The following RASSF9 variants were observed in gnomAD, a reference collection of about 807,000 sequenced individuals.
The protein encoded by RASSF9 is ras association domain-containing protein 9.
In RASSF9, 18 loss-of-function variants were observed where a neutral mutation model predicts 21.4. The ratio of observed to expected loss-of-function variants is 0.84; its 90% CI spans 0.58 to 1.25. RASSF9 has a LOEUF of 1.25. RASSF9 is among the 50% of genes most tolerant of loss of function. The pLI is 0.00. For synonymous variants in RASSF9, 183 were observed against 179.1 expected (o/e 1.02, Z -0.18); for missense variants, 480 against 503.2 (o/e 0.95, Z 0.44).
At chr12:85,816,699 AATTG>A in intron 1 of RASSF9, among the ~76,000 whole-genome samples, 3 of 152,140 alleles carry the variant, frequency 2.0e-5, no homozygotes, top group African/African-American at 7.2e-5. Context: ...CAGAGAAAAA[AATTG>A]ATTTCTGGTC....
intron 1 of RASSF9, among the ~76,000 whole-genome samples, chr12:85,833,982 G>T (rs1312988247): frequency 6.6e-6 from 1 of 151,958 alleles, no homozygotes; most frequent in Non-Finnish European, 1.5e-5. Flanking sequence ...TAAACAAAAT[G>T]AGTAAACTTA....
At chr12:85,830,812 C>T (rs902381143) in intron 1 of RASSF9, among the ~76,000 whole-genome samples, 2 of 151,988 alleles carry the variant, frequency 1.3e-5, no homozygotes, top group Non-Finnish European at 2.9e-5. Context: ...CAATTTTATC[C>T]AACAAATACA....
chr12:85,809,565 C>T (rs1481363008), intron 1 of RASSF9, among the ~76,000 whole-genome samples: 1 of 152,018 alleles, frequency 6.6e-6, no homozygotes, highest in Non-Finnish European at 1.5e-5. Context: ...AGAGTAGTCC[C>T]TATTTCCTGT....
At chr12:85,810,508 T>C (rs1469856098) in intron 1 of RASSF9, among the ~76,000 whole-genome samples, 1 of 151,970 alleles carries the variant, frequency 6.6e-6, no homozygotes, top group Non-Finnish European at 1.5e-5. Context: ...AGAAAGGATA[T>C]GGAATAAATA....
chr12:85,814,443 T>C (rs921777787), intron 1 of RASSF9, among the ~76,000 whole-genome samples: 6 of 152,006 alleles, frequency 3.9e-5, no homozygotes, highest in African/African-American at 1.2e-4. Context: ...TGGCCTGAAA[T>C]GTCAATAGTG....
intron 1 of RASSF9, among the ~76,000 whole-genome samples, chr12:85,806,672 CAAAAAAAAAAAAAA>C (rs71076150): frequency 2.7e-4 from 15 of 54,842 alleles, no homozygotes; most frequent in Admixed American, 5.5e-4. Context: ...GACTCCATCT[CAAAAAAAAAAAAAA>C]AAAAAAAAAA....
chr12:85,805,701 C>T lies in RASSF9; in HGVS notation c.309G>A (p.Trp103Ter). ...LTRILKLWKAWGDEQPNMQFV... is the reference protein window; with the variant it reads ...LTRILKLWKA The stretch of plus-strand genomic sequence containing the variant: ...ATTGCATATTGGGCTGCTCATCTCC[C>T]CACGCTTTCCAAAGCTTCAGGATTC... The change falls in exon 2 of 2, where the codon TGG (tryptophan) becomes TGA (stop). Residue 103 changes from tryptophan to a stop codon, truncating the protein, a stop_gained. Coordinates refer to ENST00000361228, the MANE Select transcript of RASSF9 (RefSeq NM_005447.4). LOFTEE classifies it high-confidence loss of function. 1.9e-6 allele frequency: 3 copies of T among 1,613,962 alleles called. No homozygotes were observed. The highest frequency in any genetic ancestry group is 2.5e-6 in the Non-Finnish European group (3 of 1,179,910).
At chr12:85,830,044 G>T (rs1451152133) in intron 1 of RASSF9, among the ~76,000 whole-genome samples, 2 of 152,054 alleles carry the variant, frequency 1.3e-5, no homozygotes, top group South Asian at 4.1e-4. Flanking sequence ...AAATTAAAAG[G>T]TAGCCACTCA....
intron 1 of RASSF9, among the ~76,000 whole-genome samples, chr12:85,825,391 G>C (rs975115506): frequency 8.6e-5 from 13 of 152,002 alleles, no homozygotes; most frequent in African/African-American, 2.7e-4. Context: ...GTTTTAGGGA[G>C]ATATATAAAG....
At chr12:85,829,919 A>G (rs751896003) in intron 1 of RASSF9, among the ~76,000 whole-genome samples, 14 of 152,136 alleles carry the variant, frequency 9.2e-5, no homozygotes, top group African/African-American at 3.1e-4. Flanking sequence ...TCTTGCATGA[A>G]CTATTTTACT....
intron 1 of RASSF9, among the ~76,000 whole-genome samples, chr12:85,834,488 GT>G (rs956000735): frequency 2.6e-5 from 4 of 152,218 alleles, no homozygotes; most frequent in African/African-American, 9.6e-5. Flanking sequence ...CAGAACTGAT[GT>G]AATGAAATTG....
intron 1 of RASSF9, among the ~76,000 whole-genome samples, chr12:85,819,590 T>C (rs1880163698): frequency 6.6e-6 from 1 of 152,190 alleles, no homozygotes; most frequent in South Asian, 2.1e-4. Context: ...ATTTTATGGA[T>C]GGGTGAATGA....
intron 1 of RASSF9, among the ~76,000 whole-genome samples, chr12:85,810,254 A>C (rs1206554566): frequency 1.3e-5 from 2 of 151,926 alleles, no homozygotes. Flanking sequence ...TTTGTTAAGC[A>C]CCTCTTCTGT....
At chr12:85,806,134 C>G (rs1879826928) in intron 1 of RASSF9, among the ~76,000 whole-genome samples, 172 bp from the exon 2 acceptor site, 2 of 151,902 alleles carry the variant, frequency 1.3e-5, no homozygotes. Flanking sequence ...GCAAGCTCCG[C>G]TTCTCGGGTT....
At chr12:85,821,187 A>T (rs569488221) in intron 1 of RASSF9, among the ~76,000 whole-genome samples, 23 of 152,256 alleles carry the variant, frequency 1.5e-4, no homozygotes, top group African/African-American at 4.8e-4. Context: ...AATAAATTCT[A>T]AGTTTGTTTG....
chr12:85,835,958 T>C (rs550205320), intron 1 of RASSF9, among the ~76,000 whole-genome samples, 197 bp downstream of exon 1: 1 of 152,274 alleles, frequency 6.6e-6, no homozygotes, highest in East Asian at 1.9e-4. Flanking sequence ...TCATCAATAC[T>C]GGGAGAATAT....
chr12:85,816,709 TGG>T, intron 1 of RASSF9, among the ~76,000 whole-genome samples: 3 of 152,170 alleles, frequency 2.0e-5, no homozygotes, highest in African/African-American at 7.2e-5. Flanking sequence ...AATTGATTTC[TGG>T]TCAGAGAAGC....
In RASSF9 at chr12:85,826,708, G is replaced by A. The variant is rs555393085; in HGVS notation, c.47+9447C>T. ...TCTGCCTGCCTCGGCCTCCCAAAGT[G>A]CTGGGATTACAGGCATGAGCCACCG... On this transcript the variant is annotated intron_variant, in intron 1 of 1. Transcript: ENST00000361228. 4.6e-5 allele frequency among the ~76,000 whole-genome samples: 7 copies of A among 151,960 alleles called. No homozygotes were observed. In the East Asian group the frequency reaches 1.2e-3, roughly 25 times the overall value.
intron 1 of RASSF9, among the ~76,000 whole-genome samples, chr12:85,820,523 G>A (rs962945241): frequency 6.6e-6 from 1 of 151,992 alleles, no homozygotes; most frequent in Non-Finnish European, 1.5e-5. Context: ...CAATATTTAA[G>A]GTTTACATGA....
Sources: gnomAD v4.1 joint callset for allele counts (sites outside exome capture counted in the v4.1 genomes callset) on GRCh38, gnomAD v4.1.1 for gene constraint, MANE v1.5 for transcripts, NCBI Gene and HGNC (gene_info 2026-07-23, HGNC 2026-07-21) for gene names.